The following LTBP2 variants were observed in gnomAD, a reference collection of about 807,000 sequenced individuals.
LTBP2 encodes the protein latent transforming growth factor beta binding protein 2, also known as latent-transforming growth factor beta-binding protein 2.
LTBP2 carries 103 observed loss-of-function variants against 210.6 expected under a neutral mutation model. That is an observed-to-expected ratio of 0.49 (90% CI 0.42 to 0.58). The LOEUF is 0.58. Ranked by LOEUF, LTBP2 falls within the 20% of genes least tolerant of loss-of-function variation. The pLI is 0.00. For synonymous variants in LTBP2, 1,007 were observed against 1,015.0 expected, an observed-to-expected ratio of 0.99 and a Z score of 0.15; for missense variants, 2,313 against 2,494.5, an observed-to-expected ratio of 0.93 and a Z score of 1.55.
chr14:74,593,194 C>A (rs1040344935), intron 2 of LTBP2, among the ~76,000 whole-genome samples: 10 of 152,292 alleles, frequency 6.6e-5, no homozygotes, highest in African/African-American at 2.4e-4. Context: ...CACACAAAAC[C>A]CCTACTTTTG....
intron 12 of LTBP2, among the ~76,000 whole-genome samples, chr14:74,528,088 C>T (rs1286363717): frequency 6.6e-6 from 1 of 152,212 alleles, no homozygotes; most frequent in East Asian, 1.9e-4. Flanking sequence ...ACTCTGACTC[C>T]AAGGCCGGGC....
chr14:74,524,326 A>C (rs1189753419), intron 15 of LTBP2, among the ~76,000 whole-genome samples: 2 of 151,418 alleles, frequency 1.3e-5, no homozygotes, highest in Non-Finnish European at 2.9e-5. Context: ...CTGGACCCCT[A>C]CTCCCCACTC....
chr14:74,501,055 G>A (rs2086904202), intron 35 of LTBP2, 26 bp from the exon 36 acceptor site: 1 of 1,606,762 alleles, frequency 6.2e-7, no homozygotes, highest in East Asian at 2.2e-5. Context: ...GGAGAGTGCT[G>A]TAGGGAGCCC....
intron 15 of LTBP2, among the ~76,000 whole-genome samples, chr14:74,524,541 CCAGA>C (rs1248712202): frequency 6.6e-6 from 1 of 152,126 alleles, no homozygotes; most frequent in African/African-American, 2.4e-5. Flanking sequence ...CACCAAGTCC[CCAGA>C]CAATGAGCCT....
At chr14:74,569,394 T>C (rs1177906660) in intron 3 of LTBP2, among the ~76,000 whole-genome samples, 1 of 152,150 alleles carries the variant, frequency 6.6e-6, no homozygotes. Context: ...TGGGGTCTAA[T>C]TGCAGGAGAC....
Position 74,551,292 on chromosome 14 carries a change from C to A in LTBP2, c.1458G>T (p.Val486=). ...VHIHHPPEAS[V]QIHQVAQVRG... is the part of the protein sequence containing the mutation. ...GCACCTGGGCCACCTGGTGGATCTG[C>A]ACTGAGGCCTCGGGTGGGTGGTGAA... The change falls in exon 7 of 36, where the codon GTG becomes GTT. Residue 486 remains valine, a synonymous_variant. Transcript: ENST00000261978. 6.2e-7 allele frequency: 1 copy of A among 1,603,078 alleles called. No homozygotes were observed.
intron 11 of LTBP2, 68 bp from the exon 12 acceptor site, chr14:74,528,766 T>C: frequency 1.3e-6 from 2 of 1,579,048 alleles, no homozygotes; most frequent in Non-Finnish European, 1.7e-6. Flanking sequence ...GGCCTTCCTT[T>C]CCCTCCCTTT....
In LTBP2 at chr14:74,504,879, T is replaced by C. The variant is rs748895466; in HGVS notation, c.4370-18A>G. The C allele has an allele frequency of 1.1e-5, 18 of 1,613,992 alleles. No homozygotes were observed. Among genetic ancestry groups the C allele is most frequent in the Non-Finnish European group, 1.4e-5 (16 of 1,179,916 alleles). On this transcript the variant is annotated intron_variant, in intron 29 of 35. Transcript: ENST00000261978. ...GAATTCAGCTATGTAGAGAGGCGTTTCAGCTCAGAGTGGGGAGGGCCCTGC... is the reference window on the plus strand; with the variant it reads ...GAATTCAGCTATGTAGAGAGGCGTTCCAGCTCAGAGTGGGGAGGGCCCTGC...
chr14:74,570,398 A>T (rs1163928812), intron 3 of LTBP2, among the ~76,000 whole-genome samples: 1 of 152,116 alleles, frequency 6.6e-6, no homozygotes, highest in African/African-American at 2.4e-5. Flanking sequence ...CCCGACAAGC[A>T]CACTGTAGAC....
intron 31 of LTBP2, 28 bp from the exon 32 acceptor site, chr14:74,503,634 T>G (rs1246865266): frequency 1.9e-6 from 3 of 1,611,974 alleles, no homozygotes; most frequent in South Asian, 2.2e-5. Context: ...GGTGGGGCAT[T>G]GCCAAGGTGG....
chr14:74,517,539 T>C (rs2087152218), intron 17 of LTBP2, among the ~76,000 whole-genome samples: 1 of 151,970 alleles, frequency 6.6e-6, no homozygotes, highest in Non-Finnish European at 1.5e-5. Flanking sequence ...CCCAGCTAAT[T>C]TTTTTGTATT....
intron 2 of LTBP2, among the ~76,000 whole-genome samples, chr14:74,601,497 T>C (rs1037865050): frequency 1.3e-5 from 2 of 152,176 alleles, no homozygotes; most frequent in Non-Finnish European, 2.9e-5. Context: ...GGCATCCACG[T>C]TCCCTGAAAA....
chr14:74,555,957 G>A (rs570319870), intron 3 of LTBP2, among the ~76,000 whole-genome samples: 1 of 152,270 alleles, frequency 6.6e-6, no homozygotes, highest in African/African-American at 2.4e-5. Context: ...AAATCACTTA[G>A]CTCCTCTGGG....
intron 1 of LTBP2, among the ~76,000 whole-genome samples, chr14:74,606,149 C>G (rs2088523814): frequency 6.6e-6 from 1 of 152,210 alleles, no homozygotes; most frequent in African/African-American, 2.4e-5. Context: ...CCACTCAGCA[C>G]ACATTAGCCC....
At chr14:74,595,604 G>A (rs1031121114) in intron 2 of LTBP2, among the ~76,000 whole-genome samples, 3 of 152,132 alleles carry the variant, frequency 2.0e-5, no homozygotes, top group Admixed American at 6.5e-5. Flanking sequence ...CACCAGCCCC[G>A]CGCCCAGGCC....
rs2087652769 is a variant in LTBP2, at chr14:74,551,287, A to T, written c.1463T>A (p.Ile488Asn). The change falls in exon 7 of 36, where the codon ATC (isoleucine) becomes AAC (asparagine). Residue 488 changes from isoleucine (I) to asparagine (N), a missense_variant. Physicochemically the swap from Ile to Asn is moderately radical, Grantham distance 149. Transcript: ENST00000261978. ...IHHPPEASVQ[I>N]HQVAQVRGGV... ...GCCCCGCACCTGGGCCACCTGGTGG[A>T]TCTGCACTGAGGCCTCGGGTGGGTG... The T allele has an allele frequency of 6.2e-7, 1 of 1,607,342 alleles. No homozygotes were observed. Among genetic ancestry groups the T allele is most frequent in the Admixed American group, 1.7e-5 (1 of 59,198 alleles).
Position 74,540,812 on chromosome 14 carries a change from A to ATATATT in LTBP2, c.1790-4813_1790-4812insAATATA, listed in dbSNP as rs2087487736. On this transcript the variant is annotated intron_variant, in intron 8 of 35. Transcript: ENST00000261978. ...ATATATATTTATATATATATATAAT[A>ATATATT]TATATATATTTTTATATAATATATA... 6.5e-4 allele frequency among the ~76,000 whole-genome samples: 5 copies of ATATATT among 7,704 alleles called. No individual in the cohort carries two copies. The Non-Finnish European group carries it at 0.015, about 23-fold the overall frequency. 5.1% of individuals were successfully genotyped at this position (7,704 alleles called of 152,430 possible). A position where few individuals can be genotyped will look rare whatever the true frequency, so the allele number is the denominator to read the frequency against.
intron 8 of LTBP2, among the ~76,000 whole-genome samples, chr14:74,539,339 AAGAG>A (rs796412301): frequency 6.6e-6 from 1 of 151,502 alleles, no homozygotes; most frequent in Non-Finnish European, 1.5e-5. Context: ...GTGCTTCTCT[AAGAG>A]AGAGAGAGAG....
chr14:74,558,240 C>A (rs563293723), intron 3 of LTBP2, among the ~76,000 whole-genome samples: 1 of 152,198 alleles, frequency 6.6e-6, no homozygotes, highest in African/African-American at 2.4e-5. Context: ...TCAAAAAACA[C>A]AAAAATTAGC....
Sources: gnomAD v4.1 joint callset for allele counts (sites outside exome capture counted in the v4.1 genomes callset) on GRCh38, gnomAD v4.1.1 for gene constraint, MANE v1.5 for transcripts, NCBI Gene and HGNC (gene_info 2026-07-23, HGNC 2026-07-21) for gene names.